The following HPGD variants were observed in gnomAD, a reference collection of about 807,000 sequenced individuals.
The protein encoded by HPGD is 15-hydroxyprostaglandin dehydrogenase.
In HPGD, 29 loss-of-function variants were observed where a neutral mutation model predicts 30.0. The observed-to-expected ratio is 0.97, with a 90% confidence interval of 0.72 to 1.32. HPGD has a LOEUF of 1.32. HPGD is among the 40% of genes most tolerant of loss of function. The probability of loss-of-function intolerance (pLI) is 0.00; values close to 1 mark genes in which losing one functional copy is unlikely to be tolerated. For synonymous variants in HPGD, 99 were observed against 112.4 expected, an observed-to-expected ratio of 0.88 and a Z score of 0.75; for missense variants, 340 against 322.1, an observed-to-expected ratio of 1.06 and a Z score of -0.43.
intron 4 of HPGD, among the ~76,000 whole-genome samples, chr4:174,497,543 C>T (rs1734655141): frequency 1.1e-5 from 1 of 92,634 alleles, no homozygotes; most frequent in Non-Finnish European, 2.5e-5. Flanking sequence ...GCATTGCTTT[C>T]ACTTTCTTTT....
In HPGD at chr4:174,491,781, T is replaced by C. The variant is rs1248890210; in HGVS notation, c.*175A>G. On this transcript the variant is annotated 3_prime_UTR_variant, in exon 7 of 7. Transcript: ENST00000296522. Reference sequence around the variant, plus strand: ...TTGGTCCACATCACATTTTTAATAGTTCATAACTTTTTATCCATATACTTA... The same window carrying C: ...TTGGTCCACATCACATTTTTAATAGCTCATAACTTTTTATCCATATACTTA... 6.6e-6 allele frequency: 4 copies of C among 603,130 alleles called. No homozygotes were observed. The highest frequency in any genetic ancestry group is 1.2e-5 in the Non-Finnish European group (4 of 338,816). The allele number at this position is 603,130 out of a possible 1,614,324, so 37.4% of individuals were successfully genotyped here. A position where few individuals can be genotyped will look rare whatever the true frequency, so the allele number is the denominator to read the frequency against.
intron 2 of HPGD, among the ~76,000 whole-genome samples, chr4:174,520,255 A>T (rs188314565): frequency 6.6e-5 from 10 of 152,278 alleles, no homozygotes; most frequent in Admixed American, 4.6e-4. Flanking sequence ...TCCAGGCTCA[A>T]GCAACAGACA....
chr4:174,509,923 GA>G (rs10708627), intron 3 of HPGD, among the ~76,000 whole-genome samples: 8,320 of 136,282 alleles, frequency 0.061, 752 homozygotes, highest in African/African-American at 0.2. Context: ...AAAAAAAAAA[GA>G]AAAAAAAAAA....
chr4:174,505,575 T>A (rs1053894214), intron 4 of HPGD, among the ~76,000 whole-genome samples: 7 of 152,310 alleles, frequency 4.6e-5, no homozygotes, highest in Admixed American at 2.6e-4. Flanking sequence ...TATCCTGAAT[T>A]TTTATCAAAC....
intron 4 of HPGD, among the ~76,000 whole-genome samples, chr4:174,502,603 G>T (rs1169212107): frequency 6.7e-6 from 1 of 148,908 alleles, no homozygotes; most frequent in Admixed American, 6.8e-5. Context: ...GCGTGAACCC[G>T]AAAGGCGGAG....
At chr4:174,516,637 A>G (rs1735788692) in intron 3 of HPGD, among the ~76,000 whole-genome samples, 1 of 152,204 alleles carries the variant, frequency 6.6e-6, no homozygotes, top group African/African-American at 2.4e-5. Context: ...TGAACCTAAA[A>G]TAAAAGTTGG....
intron 3 of HPGD, among the ~76,000 whole-genome samples, chr4:174,509,699 C>G (rs1399744782): frequency 1.3e-5 from 2 of 152,162 alleles, no homozygotes; most frequent in Non-Finnish European, 2.9e-5. Context: ...CCTGTAAGAT[C>G]AAGCAATCCT....
chr4:174,509,381 T>A (rs1349733806), intron 3 of HPGD, among the ~76,000 whole-genome samples: 2 of 152,200 alleles, frequency 1.3e-5, no homozygotes, highest in Admixed American at 1.3e-4. Context: ...CACTGATTAA[T>A]TAATTTAATT....
intron 4 of HPGD, among the ~76,000 whole-genome samples, chr4:174,505,890 T>A (rs1735163940): frequency 6.6e-6 from 1 of 152,154 alleles, no homozygotes; most frequent in Admixed American, 6.5e-5. Context: ...CTTGTACATG[T>A]GGAGGAAAAT....
chr4:174,493,151 T>A lies in HPGD; in HGVS notation c.662A>T (p.Asp221Val), dbSNP rs572197504. 30 of 1,581,288 alleles carry A rather than the reference T, an allele frequency of 1.9e-5. No individual in the cohort carries two copies. In the East Asian group the frequency reaches 6.8e-4, roughly 36 times the overall value. Residue 221 changes from aspartate to valine, a missense_variant and splice_region_variant, in exon 6 of 7, where the codon GAC (aspartate) becomes GTC (valine). Coordinates refer to ENST00000296522, the MANE Select transcript of HPGD (RefSeq NM_000860.6). ...AGAAAATAGACATAGTTTTACTTACTCCAAAATTCCATAGTATTTAATCAT... is the reference window on the plus strand; with the variant it reads ...AGAAAATAGACATAGTTTTACTTACACCAAAATTCCATAGTATTTAATCAT... ...KDMIKYYGIL[D>V]PPLIANGLIT...
chr4:174,504,880 TTTAATGGAGCA>T (rs1169119713), intron 4 of HPGD, among the ~76,000 whole-genome samples: 1 of 152,184 alleles, frequency 6.6e-6, no homozygotes, highest in Non-Finnish European at 1.5e-5. Flanking sequence ...CATGAGATGT[TTTAATGGAGCA>T]TAGCTGTTTG....
intron 2 of HPGD, among the ~76,000 whole-genome samples, chr4:174,519,791 C>T (rs1051042775): frequency 1.3e-5 from 2 of 152,112 alleles, no homozygotes; most frequent in Non-Finnish European, 2.9e-5. Context: ...ACTCTCTTTT[C>T]CGACTCAGCC....
At chr4:174,520,076 C>T (rs1234319305) in intron 2 of HPGD, among the ~76,000 whole-genome samples, 1 of 152,024 alleles carries the variant, frequency 6.6e-6, no homozygotes, top group Non-Finnish European at 1.5e-5. Flanking sequence ...TCTAACTCTT[C>T]ATAACTCCAC....
chr4:174,502,460 C>T (rs945897970), intron 4 of HPGD, among the ~76,000 whole-genome samples: 29 of 152,110 alleles, frequency 1.9e-4, no homozygotes, highest in Admixed American at 1.4e-3. Flanking sequence ...GGGCGGATCA[C>T]GAGGTCAGGA....
In HPGD at chr4:174,522,110, G is replaced by A. The variant is rs45567139; in HGVS notation, c.94-43C>T. On this transcript the variant is annotated intron_variant, in intron 1 of 6. Coordinates refer to ENST00000296522, the MANE Select transcript of HPGD (RefSeq NM_000860.6). Reference sequence around the variant, plus strand: ...GGAATCGCGGGCCTGCGCAGCTCACGAAATAGACGGACAAACAATAAACAC... The same window carrying A: ...GGAATCGCGGGCCTGCGCAGCTCACAAAATAGACGGACAAACAATAAACAC... 2.5e-6 allele frequency: 4 copies of A among 1,613,546 alleles called. No individual in the cohort carries two copies. The East Asian group carries it at 8.9e-5, about 36-fold the overall frequency.
At position 174,516,394 on chromosome 4, in the gene HPGD, T is replaced by C. The variant is rs115928426; in HGVS notation, c.324+1577A>G. 6.0e-3 allele frequency among the ~76,000 whole-genome samples: 913 copies of C among 152,052 alleles called. 11 individuals carry two copies. Among genetic ancestry groups the C allele is most frequent in the African/African-American group, 0.021 (856 of 41,486 alleles). On this transcript the variant is annotated intron_variant, in intron 3 of 6. Transcript: ENST00000296522. ...AGCAAATTAATGCAGGAACAGAAAA[T>C]CAAATACCTCATGTTCTCACTTACA...
chr4:174,519,317 C>T (rs1735958627), intron 2 of HPGD, among the ~76,000 whole-genome samples: 1 of 151,840 alleles, frequency 6.6e-6, no homozygotes, highest in Non-Finnish European at 1.5e-5. Flanking sequence ...GGGTTCACGC[C>T]ATTCTCCTGC....
chr4:174,519,191 C>A (rs1735946593), intron 2 of HPGD, among the ~76,000 whole-genome samples: 1 of 151,438 alleles, frequency 6.6e-6, no homozygotes, highest in Non-Finnish European at 1.5e-5. Flanking sequence ...GGAAGAACAA[C>A]AAACACAAAC....
chr4:174,501,448 T>G (rs982913634), intron 4 of HPGD, among the ~76,000 whole-genome samples: 1 of 152,204 alleles, frequency 6.6e-6, no homozygotes, highest in Non-Finnish European at 1.5e-5. Flanking sequence ...ATAGATACCT[T>G]ATATTAAAAT....
Sources: gnomAD v4.1 joint callset for allele counts (sites outside exome capture counted in the v4.1 genomes callset) on GRCh38, gnomAD v4.1.1 for gene constraint, MANE v1.5 for transcripts, NCBI Gene and HGNC (gene_info 2026-07-23, HGNC 2026-07-21) for gene names.